TEKT3: variants seen among roughly 807,000 people sequenced by gnomAD.
TEKT3 encodes tektin 3.
Under a neutral mutation model 49.8 loss-of-function variants are expected in TEKT3, and 49 were observed. That is an observed-to-expected ratio of 0.98 (90% CI 0.78 to 1.25). The LOEUF (loss-of-function observed/expected upper bound fraction) is 1.25, where lower values mean the gene tolerates loss of function less well. TEKT3 is among the 50% of genes most tolerant of loss of function. The pLI, the probability that TEKT3 is intolerant of heterozygous loss-of-function variation, is 0.00. For synonymous variants in TEKT3, 225 were observed against 237.2 expected, an observed-to-expected ratio of 0.95 and a Z score of 0.47; for missense variants, 595 against 629.5, an observed-to-expected ratio of 0.95 and a Z score of 0.59.
rs755845446 is a variant in TEKT3, at chr17:15,331,352, A to G, written c.234T>C (p.Asn78=). ...YCTRSQRVSE[N]TMLPFVSNRT... ...TGTTGGAAACAAAGGGAAGCATGGT[A>G]TTCTCGGACACCCTCTGTGATCTGG... Residue 78 remains asparagine, a synonymous_variant, in exon 3 of 9, where the codon AAT becomes AAC. Transcript: ENST00000395930. The G allele has an allele frequency of 1.9e-6, 3 of 1,614,198 alleles. No individual in the cohort carries two copies. The highest frequency in any genetic ancestry group is 2.5e-6 in the Non-Finnish European group (3 of 1,180,040).
chr17:15,314,232 TGCAATACAGAGTCGGGAAGTGGA>T lies in TEKT3; in HGVS notation c.735-25_735-3del, dbSNP rs1567575259. ...TCATGCTGGGACGCTCTGTTGGCTC[TGCAATACAGAGTCGGGAAGTGGA>T]GCTTCACACTCAGGTGACAATGTCC... On this transcript the variant is annotated splice_region_variant and splice_polypyrimidine_tract_variant and intron_variant, in intron 5 of 8. Coordinates refer to ENST00000395930, the MANE Select transcript of TEKT3 (RefSeq NM_031898.3). 1 of 1,614,200 alleles carries T rather than the reference TGCAATACAGAGTCGGGAAGTGGA, an allele frequency of 6.2e-7. No homozygotes were observed. Among genetic ancestry groups the T allele is most frequent in the Admixed American group, 1.7e-5 (1 of 60,018 alleles).
intron 8 of TEKT3, among the ~76,000 whole-genome samples, chr17:15,306,087 ATATGTG>A (rs1910535978): frequency 7.8e-6 from 1 of 128,568 alleles, no homozygotes; most frequent in African/African-American, 3.1e-5. Flanking sequence ...TTATTTATAT[ATATGTG>A]TGTGTGTGTG....
At chr17:15,325,109 T>C (rs1911435559) in intron 4 of TEKT3, among the ~76,000 whole-genome samples, 2 of 152,264 alleles carry the variant, frequency 1.3e-5, no homozygotes, top group East Asian at 3.8e-4. Context: ...TCTCAAATTG[T>C]GTCCATTGTT....
At chr17:15,342,821 C>T (rs1249921856), upstream of TEKT3, among the ~76,000 whole-genome samples, 1 of 152,220 alleles carries the variant, frequency 6.6e-6, no homozygotes, top group Admixed American at 6.5e-5. Context: ...CAAGACTAGA[C>T]AAGGCTCCCA....
chr17:15,325,875 G>T (rs1389358345), intron 4 of TEKT3, among the ~76,000 whole-genome samples: 1 of 152,158 alleles, frequency 6.6e-6, no homozygotes. Context: ...ATTCATCAAA[G>T]CCTGGGAAAG....
chr17:15,310,025 T>A (rs1046635444), intron 7 of TEKT3, among the ~76,000 whole-genome samples: 2 of 152,210 alleles, frequency 1.3e-5, no homozygotes, highest in East Asian at 3.9e-4. Flanking sequence ...CCAGGCACTC[T>A]TCAATCTGTC....
chr17:15,327,698 T>C lies in TEKT3; in HGVS notation c.663+294A>G, dbSNP rs368600665. 4.8e-5 allele frequency: 16 copies of C among 331,906 alleles called. No homozygotes were observed. In the East Asian group the frequency reaches 5.0e-4, roughly 10 times the overall value. 20.6% of individuals were successfully genotyped at this position (331,906 alleles called of 1,614,324 possible). On this transcript the variant is annotated intron_variant, in intron 4 of 8. Coordinates refer to ENST00000395930, the MANE Select transcript of TEKT3 (RefSeq NM_031898.3). The stretch of plus-strand genomic sequence containing the variant: ...TTAATAAAAAGATGCAACGGAATGG[T>C]AGAAAAAAAAGCATGATTAATAAAA...
chr17:15,314,378 A>G (rs1910911004), intron 5 of TEKT3, 148 bp from the exon 6 acceptor site: 2 of 1,085,926 alleles, frequency 1.8e-6, no homozygotes, highest in African/African-American at 3.1e-5. Context: ...CTCAGTCAAA[A>G]CGAGCACTCT....
At chr17:15,342,764 A>G (rs1912273709), upstream of TEKT3, among the ~76,000 whole-genome samples, 1 of 152,140 alleles carries the variant, frequency 6.6e-6, no homozygotes, top group African/African-American at 2.4e-5. Context: ...AAAGAGGAAA[A>G]CCACAGAAAA....
chr17:15,315,946 A>T (rs1910987003), intron 5 of TEKT3, among the ~76,000 whole-genome samples: 1 of 152,254 alleles, frequency 6.6e-6, no homozygotes, highest in Non-Finnish European at 1.5e-5. Flanking sequence ...AGTCAGTTCT[A>T]GCTGCAGGTT....
upstream of TEKT3, among the ~76,000 whole-genome samples, chr17:15,342,826 C>T (rs928875266): frequency 1.3e-5 from 2 of 152,208 alleles, no homozygotes; most frequent in African/African-American, 4.8e-5. Flanking sequence ...CTAGACAAGG[C>T]TCCCATACCC....
At chr17:15,340,879 A>G (rs903159200) in intron 1 of TEKT3, among the ~76,000 whole-genome samples, 1 of 152,210 alleles carries the variant, frequency 6.6e-6, no homozygotes, top group Admixed American at 6.5e-5. Context: ...TTTTTTTCAC[A>G]ATAATCAAAC....
chr17:15,329,971 G>A (rs1402905962), intron 3 of TEKT3, among the ~76,000 whole-genome samples: 1 of 152,188 alleles, frequency 6.6e-6, no homozygotes, highest in Non-Finnish European at 1.5e-5. Flanking sequence ...AATGGGGTTG[G>A]AGGGCCCATC....
chr17:15,332,976 T>C (rs1597419543), intron 2 of TEKT3, among the ~76,000 whole-genome samples: 4 of 152,126 alleles, frequency 2.6e-5, no homozygotes, highest in African/African-American at 9.7e-5. Context: ...AGCTTTTTAA[T>C]ACAAAAACTG....
chr17:15,314,349 T>C, intron 5 of TEKT3, 119 bp from the exon 6 acceptor site: 1 of 1,354,510 alleles, frequency 7.4e-7, no homozygotes, highest in Non-Finnish European at 1.0e-6. Flanking sequence ...TCTCTCCCTC[T>C]TCACACAGCG....
Position 15,331,381 on chromosome 17 carries a change from A to G in TEKT3, c.205T>C (p.Cys69Arg), listed in dbSNP as rs1333962481. The G allele has an allele frequency of 1.9e-6, 3 of 1,614,204 alleles. No homozygotes were observed. Among genetic ancestry groups the G allele is most frequent in the Non-Finnish European group, 2.5e-6 (3 of 1,180,038 alleles). The change falls in exon 3 of 9, where the codon TGC becomes CGC. Residue 69 changes from cysteine to arginine, a missense_variant. By Grantham distance (180) the Cys-to-Arg change is radical. Coordinates refer to ENST00000395930, the MANE Select transcript of TEKT3 (RefSeq NM_031898.3). Reference sequence around the variant, plus strand: ...TCGGACACCCTCTGTGATCTGGTGCAGTACGGGGCCACGCTTGGGGAATTG... The same window carrying G: ...TCGGACACCCTCTGTGATCTGGTGCGGTACGGGGCCACGCTTGGGGAATTG... The part of the protein sequence containing the change: ...ASNSPSVAPY[C>R]TRSQRVSENT...
Position 15,331,137 on chromosome 17 carries a change from A to T in TEKT3, c.449T>A (p.Val150Asp), listed in dbSNP as rs764672747. 6.2e-7 allele frequency: 1 copy of T among 1,614,188 alleles called. No homozygotes were observed. The highest frequency in any genetic ancestry group is 8.5e-7 in the Non-Finnish European group (1 of 1,180,022). The change falls in exon 3 of 9, where the codon GTC (valine) becomes GAC (aspartate). Residue 150 changes from valine to aspartate, a missense_variant. Coordinates refer to ENST00000395930, the MANE Select transcript of TEKT3 (RefSeq NM_031898.3). ...AGATTTCCAAAACCCTATGTCATTGACACGTTCTCCCAGATTTTGGGTTGT... is the reference window on the plus strand; with the variant it reads ...AGATTTCCAAAACCCTATGTCATTGTCACGTTCTCCCAGATTTTGGGTTGT... ...ADTTQNLGER[V>D]NDIGFWKSEI...
At chr17:15,328,839 C>T (rs1380306235) in intron 3 of TEKT3, among the ~76,000 whole-genome samples, 2 of 152,120 alleles carry the variant, frequency 1.3e-5, no homozygotes, top group African/African-American at 4.8e-5. Context: ...AGTTAAAATG[C>T]TTTTCTCGAA....
intron 8 of TEKT3, among the ~76,000 whole-genome samples, chr17:15,307,480 C>T (rs1910600582): frequency 6.6e-6 from 1 of 152,188 alleles, no homozygotes; most frequent in South Asian, 2.1e-4. Flanking sequence ...GGGCAGTGCC[C>T]AGCATCGAGT....
Sources: allele counts gnomAD v4.1 joint callset (sites outside exome capture counted in the v4.1 genomes callset), GRCh38; gene constraint gnomAD v4.1.1; transcripts MANE v1.5; gene names NCBI Gene and HGNC (gene_info 2026-07-23, HGNC 2026-07-21).